Variants in LURAP1 observed in about 807,000 individuals in gnomAD.
LURAP1 encodes NF-kappa-B activator C1orf190.
A neutral mutation model predicts 19.0 loss-of-function variants in LURAP1; 14 were observed. The observed-to-expected ratio is 0.74, with a 90% CI of 0.49 to 1.15. LURAP1 has a LOEUF of 1.15. Among genes scored for constraint, LURAP1 ranks in the 50% most tolerant of loss-of-function variants. LURAP1 has a pLI of 0.00. For missense variants in LURAP1, 273 were observed against 309.1 expected (o/e 0.88, Z 0.87); for synonymous variants, 129 against 131.8 (o/e 0.98, Z 0.14).
chr1:46,216,620 G>T (rs1659079248), intron 1 of LURAP1, among the ~76,000 whole-genome samples: 1 of 152,140 alleles, frequency 6.6e-6, no homozygotes. Context: ...GGAATTACAG[G>T]CAAGAGCCAC....
chr1:46,218,631 A>G (rs1019756223), intron 1 of LURAP1, among the ~76,000 whole-genome samples: 2 of 152,222 alleles, frequency 1.3e-5, no homozygotes, highest in African/African-American at 4.8e-5. Context: ...CAATGCCTAT[A>G]AAGGCTCTTG....
At chr1:46,219,260 A>C (rs1377195065) in intron 1 of LURAP1, among the ~76,000 whole-genome samples, 4 of 150,842 alleles carry the variant, frequency 2.7e-5, no homozygotes, top group Non-Finnish European at 5.9e-5. Context: ...GCGCCATTGC[A>C]CTCCATCCTG....
At chr1:46,213,977 A>C (rs537311890) in intron 1 of LURAP1, among the ~76,000 whole-genome samples, 1 of 152,292 alleles carries the variant, frequency 6.6e-6, no homozygotes, top group Admixed American at 6.5e-5. Context: ...CATTGTAGAG[A>C]TCCACTCTGA....
intron 1 of LURAP1, among the ~76,000 whole-genome samples, chr1:46,212,239 T>A (rs1658919308): frequency 6.6e-6 from 1 of 152,204 alleles, no homozygotes; most frequent in Non-Finnish European, 1.5e-5. Context: ...TAATGACGTT[T>A]TGGTCAATGT....
intron 1 of LURAP1, among the ~76,000 whole-genome samples, chr1:46,215,040 C>T (rs1659021940): frequency 6.6e-6 from 1 of 151,880 alleles, no homozygotes; most frequent in African/African-American, 2.4e-5. Context: ...TCCTGGCTAA[C>T]ATGGTGAAAC....
At chr1:46,215,704 G>A (rs1253826611) in intron 1 of LURAP1, among the ~76,000 whole-genome samples, 1 of 152,184 alleles carries the variant, frequency 6.6e-6, no homozygotes, top group Non-Finnish European at 1.5e-5. Context: ...TTTGAGACCA[G>A]CCTGGGCAAC....
Position 46,220,008 on chromosome 1 carries a change from G to T in LURAP1, c.508G>T (p.Asp170Tyr), listed in dbSNP as rs1447218588. 1 of 1,614,240 alleles carries T rather than the reference G, an allele frequency of 6.2e-7. No individual in the cohort carries two copies. Among genetic ancestry groups the T allele is most frequent in the African/African-American group, 1.3e-5 (1 of 75,068 alleles). Residue 170 changes from aspartate (D) to tyrosine (Y), a missense_variant, in exon 2 of 2, where the codon GAC becomes TAC. Coordinates refer to ENST00000371980, the MANE Select transcript of LURAP1 (RefSeq NM_001013615.3). ...ACCTGGGGCTCCACGTTCCGAGATGGACTGGGCAAAAGTTATAGCTGGTGG... is the reference window on the plus strand; with the variant it reads ...ACCTGGGGCTCCACGTTCCGAGATGTACTGGGCAAAAGTTATAGCTGGTGG... ...GPPGAPRSEM[D>Y]WAKVIAGGER...
intron 1 of LURAP1, among the ~76,000 whole-genome samples, chr1:46,210,504 G>T (rs1020878671): frequency 6.6e-6 from 1 of 152,140 alleles, no homozygotes; most frequent in Non-Finnish European, 1.5e-5. Flanking sequence ...GACACTAGTC[G>T]TAAATCTGGG....
chr1:46,219,643 C>T lies in LURAP1; in HGVS notation c.199-56C>T, dbSNP rs574393676. The stretch of plus-strand genomic sequence containing the variant: ...ACCACAAGGTAGTGGCCTGTGGAAA[C>T]GCTGGGGAAACCCATGCCCCAGAAC... On this transcript the variant is annotated intron_variant, in intron 1 of 1. Transcript: ENST00000371980. 3.3e-5 allele frequency: 50 copies of T among 1,505,566 alleles called. 2 individuals are homozygous for T. The highest frequency in any genetic ancestry group is 9.1e-5 in the East Asian group (4 of 44,066). 93.3% of individuals were successfully genotyped at this position (1,505,566 alleles called of 1,614,324 possible).
chr1:46,210,560 A>AC (rs1211085524), intron 1 of LURAP1, among the ~76,000 whole-genome samples: 2 of 151,838 alleles, frequency 1.3e-5, no homozygotes, highest in African/African-American at 4.8e-5. Flanking sequence ...GGTTCCTATG[A>AC]CCCCCTCCTT....
chr1:46,206,776 G>A (rs1246435006), intron 1 of LURAP1, among the ~76,000 whole-genome samples: 1 of 152,152 alleles, frequency 6.6e-6, no homozygotes, highest in African/African-American at 2.4e-5. Context: ...GGATAGTAAA[G>A]GCAAGAGAAT....
In LURAP1 at chr1:46,203,334, G is replaced by A; in HGVS notation, c.-93G>A. 1 of 1,194,084 alleles carries A rather than the reference G, an allele frequency of 8.4e-7. No individual in the cohort carries two copies. The highest frequency in any genetic ancestry group is 1.1e-6 in the Non-Finnish European group (1 of 893,870). The allele number at this position is 1,194,084 out of a possible 1,614,324, so 74.0% of individuals were successfully genotyped here. ...CGCGCCGCGCGGGCGGGGACCCACC[G>A]GTTTTGCTCCGCTTTAGCAGCGGCG... On this transcript the variant is annotated 5_prime_UTR_variant, in exon 1 of 2. Transcript: ENST00000371980.
intron 1 of LURAP1, among the ~76,000 whole-genome samples, chr1:46,206,969 A>G (rs1658736433): frequency 6.6e-6 from 1 of 152,096 alleles, no homozygotes; most frequent in Non-Finnish European, 1.5e-5. Flanking sequence ...TTCACTGTAG[A>G]GTGATGTGGT....
intron 1 of LURAP1, among the ~76,000 whole-genome samples, chr1:46,212,608 G>A (rs747551983): frequency 4.0e-5 from 6 of 151,018 alleles, no homozygotes; most frequent in South Asian, 4.2e-4. Flanking sequence ...TCAGAGTCTC[G>A]CTCTGTCACC....
chr1:46,209,398 A>G (rs1658822613), intron 1 of LURAP1, among the ~76,000 whole-genome samples: 1 of 152,182 alleles, frequency 6.6e-6, no homozygotes, highest in African/African-American at 2.4e-5. Flanking sequence ...AACTGGGGGC[A>G]CAAGTGGGGC....
intron 1 of LURAP1, among the ~76,000 whole-genome samples, chr1:46,216,043 C>CTTTTTTTTTTTTTTTTTTTTTTTTT (rs141982741): frequency 3.2e-5 from 3 of 92,540 alleles, no homozygotes; most frequent in Admixed American, 1.6e-4. Context: ...TTTATTTTAT[C>CTTTTTTTTTTTTTTTTTTTTTTTTT]TTTTTTTTTT....
At chr1:46,214,469 A>G (rs543274928) in intron 1 of LURAP1, among the ~76,000 whole-genome samples, 2 of 152,386 alleles carry the variant, frequency 1.3e-5, no homozygotes, top group Admixed American at 6.5e-5. Context: ...TACTGTAGCC[A>G]TGAACAAAAA....
chr1:46,220,022 TA>T lies in LURAP1; in HGVS notation c.523del (p.Ile175Ter), dbSNP rs1183942543. On this transcript the variant is annotated frameshift_variant, in exon 2 of 2. Transcript: ENST00000371980. LOFTEE classifies it high-confidence loss of function. ...PRSEMDWAKV[I>X]AGGERARTEV... is the part of the protein sequence containing the mutation. ...GTTCCGAGATGGACTGGGCAAAAGT[TA>T]TAGCTGGTGGAGAGAGGGCCAGGAC... 1.9e-6 allele frequency: 3 copies of T among 1,614,154 alleles called. No individual in the cohort carries two copies. Among genetic ancestry groups the T allele is most frequent in the Non-Finnish European group, 2.5e-6 (3 of 1,180,026 alleles).
At chr1:46,213,927 GCT>G (rs1658981288) in intron 1 of LURAP1, among the ~76,000 whole-genome samples, 1 of 152,030 alleles carries the variant, frequency 6.6e-6, no homozygotes, top group Non-Finnish European at 1.5e-5. Flanking sequence ...CTGTAGTGAG[GCT>G]CAGAGTTGGC....
Sources: gnomAD v4.1 joint callset for allele counts (sites outside exome capture counted in the v4.1 genomes callset) on GRCh38, gnomAD v4.1.1 for gene constraint, MANE v1.5 for transcripts, NCBI Gene and HGNC (gene_info 2026-07-23, HGNC 2026-07-21) for gene names.